ST3GAL3: variants seen among roughly 807,000 people sequenced by gnomAD.
ST3GAL3 encodes ST3 beta-galactoside alpha-2,3-sialyltransferase 3.
Under a neutral mutation model 50.1 loss-of-function variants are expected in ST3GAL3, and 21 were observed. The observed-to-expected ratio is 0.42, with a 90% CI of 0.30 to 0.60. The LOEUF (loss-of-function observed/expected upper bound fraction) is 0.60, where lower values mean the gene tolerates loss of function less well. Among genes scored for constraint, ST3GAL3 ranks in the 20% least tolerant of loss-of-function variants. The pLI is 0.19. For missense variants in ST3GAL3, 353 were observed against 489.4 expected (o/e 0.72, Z 2.63); for synonymous variants, 183 against 190.0 (o/e 0.96, Z 0.30).
intron 3 of ST3GAL3, among the ~76,000 whole-genome samples, chr1:43,807,098 G>T (rs1453565927): frequency 2.6e-5 from 4 of 152,154 alleles, no homozygotes; most frequent in Admixed American, 6.5e-5. Context: ...ATTGAATATG[G>T]CAGGGGTGAT....
At chr1:43,731,537 A>G (rs1571658724) in intron 1 of ST3GAL3, among the ~76,000 whole-genome samples, 6 of 146,894 alleles carry the variant, frequency 4.1e-5, no homozygotes, top group Admixed American at 4.1e-4. Flanking sequence ...GGCGCCCGCC[A>G]CCATGCCCGG....
At chr1:43,906,522 G>C (rs1156297053) in intron 9 of ST3GAL3, among the ~76,000 whole-genome samples, 50 of 67,366 alleles carry the variant, frequency 7.4e-4, no homozygotes, top group African/African-American at 9.2e-4. Flanking sequence ...TCCTCCTCCT[G>C]CTCCTCTTCC....
At position 43,899,712 on chromosome 1, in the gene ST3GAL3, C is replaced by T; in HGVS notation, c.729C>T (p.Val243=). ...WQDFKWLKYI[V]YKERVSASDG... ...ACTTTAAGTGGTTGAAATACATCGT[C>T]TACAAGGAGAGAGTGGTAAGCTCTC... The change falls in exon 9 of 12, where the codon GTC becomes GTT. Residue 243 remains valine, a synonymous_variant. Coordinates refer to ENST00000347631, the MANE Select transcript of ST3GAL3 (RefSeq NM_006279.5). This position sits in a 1 kb window ranked among gnomAD's most constrained non-coding sequence, Gnocchi z 5.4. 6.2e-6 allele frequency: 10 copies of T among 1,614,052 alleles called. No homozygotes were observed. Among genetic ancestry groups the T allele is most frequent in the Non-Finnish European group, 8.5e-6 (10 of 1,180,032 alleles).
intron 2 of ST3GAL3, chr1:43,736,761 C>G (rs1162580876): frequency 6.0e-6 from 2 of 334,716 alleles, no homozygotes; most frequent in Non-Finnish European, 1.2e-5. Context: ...TGGTTTCCAT[C>G]TGCCCTTAAA....
Position 43,814,889 on chromosome 1 carries a change from A to G in ST3GAL3, c.167-2A>G. ...GTGACATTTTCTGCTTTTCTTTTTC[A>G]GAGTATGATCGGTTGGGCTTCCTCC... On this transcript the variant is annotated splice_acceptor_variant, in intron 3 of 11. Coordinates refer to ENST00000347631, the MANE Select transcript of ST3GAL3 (RefSeq NM_006279.5). LOFTEE classifies it high-confidence loss of function. 6.2e-7 allele frequency: 1 copy of G among 1,614,064 alleles called. No homozygotes were observed. The highest frequency in any genetic ancestry group is 8.5e-7 in the Non-Finnish European group (1 of 1,179,972).
chr1:43,725,830 A>G (rs993437400), intron 1 of ST3GAL3, among the ~76,000 whole-genome samples: 18 of 151,950 alleles, frequency 1.2e-4, no homozygotes, highest in Non-Finnish European at 2.1e-4. Flanking sequence ...TATTTTTTGT[A>G]GAGACGGTTT....
chr1:43,800,895 G>C (rs1207175836), intron 3 of ST3GAL3, among the ~76,000 whole-genome samples: 1 of 152,044 alleles, frequency 6.6e-6, no homozygotes, highest in Non-Finnish European at 1.5e-5. Context: ...CTTTTTTTTA[G>C]AGATTGTACA....
intron 4 of ST3GAL3, among the ~76,000 whole-genome samples, chr1:43,823,703 A>G (rs1356792910): frequency 2.6e-5 from 4 of 152,062 alleles, no homozygotes; most frequent in Non-Finnish European, 5.9e-5. Flanking sequence ...GTTCCCTACT[A>G]TTTTCTAACA....
At chr1:43,779,718 A>G (rs139889574) in intron 2 of ST3GAL3, among the ~76,000 whole-genome samples, 269 of 152,306 alleles carry the variant, frequency 1.8e-3, no homozygotes, top group African/African-American at 6.2e-3. Flanking sequence ...TTCAGTCTAT[A>G]TACTATGACC....
chr1:43,825,042 C>G (rs2062605541), intron 4 of ST3GAL3: 1 of 663,328 alleles, frequency 1.5e-6, no homozygotes, highest in South Asian at 1.6e-5. Context: ...TGATTCATAA[C>G]TAAGACCTCA....
At chr1:43,773,165 G>A (rs916543864) in intron 2 of ST3GAL3, among the ~76,000 whole-genome samples, 2 of 152,252 alleles carry the variant, frequency 1.3e-5, no homozygotes, top group African/African-American at 4.8e-5. Context: ...ATTGAGTGTT[G>A]TAACTGTAGT....
At chr1:43,806,589 A>C (rs2059914486) in intron 3 of ST3GAL3, among the ~76,000 whole-genome samples, 2 of 152,348 alleles carry the variant, frequency 1.3e-5, no homozygotes, top group African/African-American at 4.8e-5. Flanking sequence ...AGGCAAAGAT[A>C]AGTCTGATTT....
chr1:43,922,554 A>C (rs1447560433), intron 11 of ST3GAL3: 1 of 151,736 alleles, frequency 6.6e-6, no homozygotes, highest in Non-Finnish European at 1.5e-5. Flanking sequence ...TAATCCCCGC[A>C]CTTTGGGAGG....
intron 3 of ST3GAL3, 86 bp from the exon 4 acceptor site, chr1:43,814,805 T>C (rs2061036601): frequency 2.4e-6 from 3 of 1,276,270 alleles, no homozygotes; most frequent in South Asian, 2.4e-5. Context: ...GGGTGGTCTG[T>C]CCCTGTGGTC....
At position 43,734,297 on chromosome 1, in the gene ST3GAL3, C is replaced by CTTTTTTTTTTTTTTTT. The variant is rs751937263; in HGVS notation, c.-30-1926_-30-1925insTTTTTTTTTTTTTTTT. Among the ~76,000 whole-genome samples, 64 of 114,430 alleles carry CTTTTTTTTTTTTTTTT rather than the reference C, an allele frequency of 5.6e-4. 5 individuals are homozygous for CTTTTTTTTTTTTTTTT. Among genetic ancestry groups the CTTTTTTTTTTTTTTTT allele is most frequent in the East Asian group, 1.4e-3 (5 of 3,478 alleles). 75.1% of individuals were successfully genotyped at this position (114,430 alleles called of 152,430 possible). On this transcript the variant is annotated intron_variant, in intron 1 of 11. Transcript: ENST00000347631. ...TTTCTTCTCTTTCTTTCTTCTTCTT[C>CTTTTTTTTTTTTTTTT]TTTTTTTTTTGTTTTTTTTTTTTTT...
At chr1:43,716,378 T>A (rs1298785092) in intron 1 of ST3GAL3, 4 of 152,192 alleles carry the variant, frequency 2.6e-5, no homozygotes, top group Non-Finnish European at 4.4e-5. Flanking sequence ...ACATGATAAC[T>A]GGAAAACTTT....
intron 2 of ST3GAL3, among the ~76,000 whole-genome samples, chr1:43,771,249 T>C (rs1463526703): frequency 3.3e-5 from 5 of 152,250 alleles, no homozygotes; most frequent in African/African-American, 1.2e-4. Flanking sequence ...ATATCTGTTA[T>C]AAATAGAATG....
At chr1:43,803,490 T>G (rs994038540) in intron 3 of ST3GAL3, among the ~76,000 whole-genome samples, 1 of 152,246 alleles carries the variant, frequency 6.6e-6, no homozygotes, top group African/African-American at 2.4e-5. Context: ...TCACAGACTT[T>G]GTGAGCCCGA....
chr1:43,869,280 C>T (rs2072063313), intron 5 of ST3GAL3, among the ~76,000 whole-genome samples: 1 of 152,238 alleles, frequency 6.6e-6, no homozygotes, highest in South Asian at 2.1e-4. Context: ...GGTCTTAGTT[C>T]TGCCTGCCAG....
Sources: gnomAD v4.1 joint callset for allele counts (sites outside exome capture counted in the v4.1 genomes callset) on GRCh38, gnomAD v4.1.1 for gene constraint, Gnocchi (gnomAD v3.1) non-coding constraint, MANE v1.5 for transcripts, NCBI Gene and HGNC (gene_info 2026-07-23, HGNC 2026-07-21) for gene names.